The following ASIC2 variants were observed in gnomAD, a reference collection of about 807,000 sequenced individuals.
The protein encoded by ASIC2 is acid-sensing ion channel 2.
In ASIC2, 25 loss-of-function variants were observed where a neutral mutation model predicts 57.3. The ratio of observed to expected loss-of-function variants is 0.44; its 90% CI spans 0.32 to 0.61. ASIC2 has a LOEUF of 0.61. Ranked by LOEUF, ASIC2 falls within the 20% of genes least tolerant of loss-of-function variation. ASIC2 has a pLI of 0.06. For missense variants in ASIC2, 641 were observed against 738.1 expected (o/e 0.87, Z 1.52); for synonymous variants, 319 against 307.5 (o/e 1.04, Z -0.39).
intron 1 of ASIC2, among the ~76,000 whole-genome samples, chr17:33,136,589 G>T (rs2092367964): frequency 6.6e-6 from 1 of 152,166 alleles, no homozygotes; most frequent in Non-Finnish European, 1.5e-5. Flanking sequence ...GATGTGATTT[G>T]TGTGTGTGTG....
chr17:33,779,593 C>T (rs1440653383), intron 1 of ASIC2, among the ~76,000 whole-genome samples: 1 of 152,126 alleles, frequency 6.6e-6, no homozygotes, highest in Non-Finnish European at 1.5e-5. Flanking sequence ...AGTTTCTCTC[C>T]GGGATCCTTG....
At chr17:34,059,835 C>T (rs1908905224) in intron 1 of ASIC2, among the ~76,000 whole-genome samples, 1 of 152,196 alleles carries the variant, frequency 6.6e-6, no homozygotes, top group Non-Finnish European at 1.5e-5. Flanking sequence ...GCAGCTGCAG[C>T]AAAACCCGCC....
intron 1 of ASIC2, among the ~76,000 whole-genome samples, chr17:33,809,855 T>C (rs1912370251): frequency 1.3e-5 from 2 of 152,218 alleles, no homozygotes; most frequent in Non-Finnish European, 2.9e-5. Context: ...TCACAGCACA[T>C]ATTCCTGCTG....
At chr17:33,115,891 A>G (rs2092279025) in intron 1 of ASIC2, among the ~76,000 whole-genome samples, 1 of 152,142 alleles carries the variant, frequency 6.6e-6, no homozygotes, top group African/African-American at 2.4e-5. Flanking sequence ...GCTGCCACAC[A>G]TTTCCTTGTG....
At chr17:33,333,713 T>G (rs943242585) in intron 1 of ASIC2, among the ~76,000 whole-genome samples, 1 of 152,108 alleles carries the variant, frequency 6.6e-6, no homozygotes, top group Non-Finnish European at 1.5e-5. Context: ...AAAAAGCAAT[T>G]AAAAACTTTC....
At chr17:33,922,709 A>G (rs1385768077) in intron 1 of ASIC2, among the ~76,000 whole-genome samples, 2 of 152,094 alleles carry the variant, frequency 1.3e-5, no homozygotes, top group Admixed American at 6.6e-5. Context: ...CCCATTTTCC[A>G]CTGTGAAAAC....
chr17:33,766,081 A>G (rs1466907260), intron 1 of ASIC2, among the ~76,000 whole-genome samples: 2 of 152,064 alleles, frequency 1.3e-5, no homozygotes, highest in Non-Finnish European at 2.9e-5. Context: ...TTTGCTTTCT[A>G]TGGTTTTGGT....
intron 1 of ASIC2, among the ~76,000 whole-genome samples, chr17:33,663,800 T>C (rs756632240): frequency 2.0e-5 from 3 of 152,158 alleles, no homozygotes; most frequent in Non-Finnish European, 4.4e-5. Flanking sequence ...TCTGTGCCCT[T>C]CCCTGCACAC....
chr17:33,575,726 T>C (rs971061840), intron 1 of ASIC2, among the ~76,000 whole-genome samples: 5 of 152,286 alleles, frequency 3.3e-5, no homozygotes, highest in South Asian at 4.1e-4. Flanking sequence ...CCATGAAAAC[T>C]GTATTTGAAA....
intron 1 of ASIC2, among the ~76,000 whole-genome samples, chr17:33,386,204 T>C (rs1020990636): frequency 6.6e-6 from 1 of 152,162 alleles, no homozygotes; most frequent in Non-Finnish European, 1.5e-5. Context: ...AACAGCCAAG[T>C]CTAGGCTGAT....
chr17:33,660,347 T>TAA (rs141606293), intron 1 of ASIC2, among the ~76,000 whole-genome samples: 8 of 151,270 alleles, frequency 5.3e-5, no homozygotes, highest in Non-Finnish European at 8.9e-5. Flanking sequence ...ACTTTTTAAT[T>TAA]AAAAAAAAAT....
At chr17:34,139,982 A>C (rs1912229582) in intron 1 of ASIC2, among the ~76,000 whole-genome samples, 1 of 152,236 alleles carries the variant, frequency 6.6e-6, no homozygotes, top group African/African-American at 2.4e-5. Flanking sequence ...TTTTCATTAA[A>C]AGAGACAAAA....
At chr17:33,605,216 A>G (rs1052729521) in intron 1 of ASIC2, among the ~76,000 whole-genome samples, 2 of 152,240 alleles carry the variant, frequency 1.3e-5, no homozygotes, top group African/African-American at 4.8e-5. Context: ...CCGGCATGGC[A>G]AGAGCCCTGG....
At chr17:33,648,219 A>G (rs1906806112) in intron 1 of ASIC2, among the ~76,000 whole-genome samples, 2 of 152,168 alleles carry the variant, frequency 1.3e-5, no homozygotes, top group Admixed American at 6.5e-5. Flanking sequence ...CTTAAGAACT[A>G]AATGCACTGT....
chr17:33,542,886 C>T (rs1422275255), intron 1 of ASIC2, among the ~76,000 whole-genome samples: 3 of 151,522 alleles, frequency 2.0e-5, no homozygotes, highest in Non-Finnish European at 4.4e-5. Flanking sequence ...TTAGGTCTAA[C>T]GTTTAAATCT....
At chr17:33,289,905 CA>C (rs201657299) in intron 1 of ASIC2, among the ~76,000 whole-genome samples, 3 of 151,434 alleles carry the variant, frequency 2.0e-5, no homozygotes, top group South Asian at 4.2e-4. Flanking sequence ...TAGTGATCAG[CA>C]AAAAAAACAA....
chr17:33,854,943 G>A (rs1036212144), intron 1 of ASIC2, among the ~76,000 whole-genome samples: 7 of 152,226 alleles, frequency 4.6e-5, no homozygotes, highest in Non-Finnish European at 1.0e-4. Flanking sequence ...TGCCAGGCAT[G>A]AGCAAAAGTA....
At chr17:34,087,466 C>T (rs1356852831) in intron 1 of ASIC2, among the ~76,000 whole-genome samples, 1 of 152,264 alleles carries the variant, frequency 6.6e-6, no homozygotes, top group East Asian at 1.9e-4. Context: ...TCTGGCTGCC[C>T]TTAACATTTT....
At chr17:33,034,154 C>T (rs1400729472) in intron 3 of ASIC2, among the ~76,000 whole-genome samples, 1 of 152,138 alleles carries the variant, frequency 6.6e-6, no homozygotes, top group Non-Finnish European at 1.5e-5. Context: ...GCTCTTCTAA[C>T]ACTAAATAAA....
Sources: allele counts gnomAD v4.1 joint callset (sites outside exome capture counted in the v4.1 genomes callset), GRCh38; gene constraint gnomAD v4.1.1; transcripts MANE v1.5; gene names NCBI Gene and HGNC (gene_info 2026-07-23, HGNC 2026-07-21).